The following ZNF563 variants were observed in gnomAD, a reference collection of about 807,000 sequenced individuals.
ZNF563 encodes the protein zinc finger protein 563.
ZNF563 carries 39 observed loss-of-function variants against 48.5 expected under a neutral mutation model. The observed-to-expected ratio is 0.80, with a 90% CI of 0.62 to 1.05. ZNF563 has a LOEUF of 1.05. Among genes scored for constraint, ZNF563 ranks in the 50% least tolerant of loss-of-function variants. ZNF563 has a pLI of 0.00. For synonymous variants in ZNF563, 168 were observed against 187.9 expected (o/e 0.89, Z 0.87); for missense variants, 538 against 597.0 (o/e 0.90, Z 1.03).
upstream of ZNF563, among the ~76,000 whole-genome samples, chr19:12,334,592 G>A (rs1402382790): frequency 1.3e-5 from 2 of 152,174 alleles, no homozygotes; most frequent in African/African-American, 2.4e-5. Context: ...TTAAGGGCCC[G>A]GGGCGGTGGC....
At chr19:12,340,027 C>T in the ZNF563 span, among the ~76,000 whole-genome samples, 2 of 152,066 alleles carry the variant, frequency 1.3e-5, no homozygotes, top group African/African-American at 2.4e-5. Context: ...AGATGTTAAT[C>T]AAAGTGCTAA....
Position 12,318,863 on chromosome 19 carries a change from T to G in ZNF563, c.1162A>C (p.Thr388Pro). Residue 388 changes from threonine (T) to proline (P), a missense_variant, in exon 4 of 4, where the codon ACT (threonine) becomes CCT (proline). By Grantham distance (38) the Thr-to-Pro change is conservative. Transcript: ENST00000293725. ...TTGCATTTATGAGGTCCACCTCCAGTGTGCATTATCATGTGTCTTCGAAAG... is the reference window on the plus strand; with the variant it reads ...TTGCATTTATGAGGTCCACCTCCAGGGTGCATTATCATGTGTCTTCGAAAG... The part of the protein sequence containing the change: ...SSFRRHMIMH[T>P]GGGPHKCKIC... 6.2e-7 allele frequency: 1 copy of G among 1,614,160 alleles called. No homozygotes were observed. The highest frequency in any genetic ancestry group is 8.5e-7 in the Non-Finnish European group (1 of 1,180,014).
the ZNF563 span, among the ~76,000 whole-genome samples, chr19:12,340,294 A>G: frequency 6.6e-6 from 1 of 152,206 alleles, no homozygotes; most frequent in Non-Finnish European, 1.5e-5. Flanking sequence ...AGATCATGCC[A>G]CTGCATTCCA....
At chr19:12,335,814 G>T (rs568842290), upstream of ZNF563, among the ~76,000 whole-genome samples, 5 of 152,308 alleles carry the variant, frequency 3.3e-5, no homozygotes, top group African/African-American at 1.2e-4. Flanking sequence ...ATTTCTACAC[G>T]GCTGTCCATA....
At chr19:12,322,344 G>A (rs532399958) in intron 2 of ZNF563, among the ~76,000 whole-genome samples, 1 of 152,170 alleles carries the variant, frequency 6.6e-6, no homozygotes, top group Non-Finnish European at 1.5e-5. Flanking sequence ...GTGAGCCACC[G>A]TGCCCAGCCA....
intron 1 of ZNF563, among the ~76,000 whole-genome samples, chr19:12,330,542 A>G (rs1360033470): frequency 6.6e-6 from 1 of 152,232 alleles, no homozygotes; most frequent in Non-Finnish European, 1.5e-5. Context: ...GTATGGTGTT[A>G]GCAAAGTGAT....
chr19:12,344,808 G>A, the ZNF563 span, among the ~76,000 whole-genome samples: 1,188 of 152,218 alleles, frequency 7.8e-3, 20 homozygotes, highest in African/African-American at 0.027. Context: ...ATTCTATGTG[G>A]AGAAAACACT....
rs1444629159 is a variant in ZNF563, at chr19:12,319,766, T to G, written c.259A>C (p.Ile87Leu). The change falls in exon 4 of 4, where the codon ATT becomes CTT. Residue 87 changes from isoleucine (I) to leucine (L), a missense_variant. Coordinates refer to ENST00000293725, the MANE Select transcript of ZNF563 (RefSeq NM_145276.3). ...SSQCGETFSL[I>L]RDSIVNNSIC... The stretch of plus-strand genomic sequence containing the variant: ...CTGTTGTTCACAATACTATCTCGAA[T>G]GAGGCTAAATGTTTCTCCACACTGA... 2.5e-6 allele frequency: 4 copies of G among 1,614,084 alleles called. No individual in the cohort carries two copies. In the Admixed American group the frequency reaches 5.0e-5, roughly 20 times the overall value.
intron 1 of ZNF563, among the ~76,000 whole-genome samples, chr19:12,328,697 A>G (rs1968852403): frequency 6.6e-6 from 1 of 152,146 alleles, no homozygotes; most frequent in Admixed American, 6.6e-5. Context: ...TGAACCCAGG[A>G]GGTGGAGGTT....
At position 12,319,721 on chromosome 19, in the gene ZNF563, G is replaced by T. The variant is rs761011085; in HGVS notation, c.304C>A (p.Pro102Thr). The part of the protein sequence containing the change: ...VNNSICPGED[P>T]CQSAECEEVI... The stretch of plus-strand genomic sequence containing the variant: ...TCTTCACACTCAGCGCTTTGACATG[G>T]ATCTTCTCCAGGACAAATGCTGTTG... Residue 102 changes from proline (P) to threonine (T), a missense_variant, in exon 4 of 4, where the codon CCA becomes ACA. By Grantham distance (38) the Pro-to-Thr change is conservative (BLOSUM62 -1). Transcript: ENST00000293725. 2 of 1,613,972 alleles carry T rather than the reference G, an allele frequency of 1.2e-6. No homozygotes were observed. The highest frequency in any genetic ancestry group is 1.7e-5 in the Admixed American group (1 of 59,970).
chr19:12,329,871 T>C (rs1968880842), intron 1 of ZNF563, among the ~76,000 whole-genome samples: 1 of 152,142 alleles, frequency 6.6e-6, no homozygotes, highest in African/African-American at 2.4e-5. Flanking sequence ...CTCTACAATA[T>C]CTTCCAGAAA....
Position 12,322,588 on chromosome 19 carries a change from T to C in ZNF563, c.127A>G (p.Ile43Val), listed in dbSNP as rs377088399. 21 of 1,598,112 alleles carry C rather than the reference T, an allele frequency of 1.3e-5. No homozygotes were observed. Among genetic ancestry groups the C allele is most frequent in the East Asian group, 2.3e-5 (1 of 44,118 alleles). Reference sequence around the variant, plus strand: ...GAAGACATGGTATCATCCTTACTTATACAGTCCAGGTTCCTGATGGTTTCT... The same window carrying C: ...GAAGACATGGTATCATCCTTACTTACACAGTCCAGGTTCCTGATGGTTTCT... ...MQETIRNLDC[I>V]RMIWEEQNTE... Residue 43 changes from isoleucine to valine, a missense_variant, in exon 2 of 4, where the codon ATA becomes GTA. By Grantham distance (29) the Ile-to-Val change is conservative. Coordinates refer to ENST00000293725, the MANE Select transcript of ZNF563 (RefSeq NM_145276.3).
chr19:12,343,673 G>A, the ZNF563 span, among the ~76,000 whole-genome samples: 7 of 150,442 alleles, frequency 4.7e-5, no homozygotes, highest in South Asian at 2.1e-4. Context: ...AAGACATTAC[G>A]AGAACAGAAA....
intron 3 of ZNF563, among the ~76,000 whole-genome samples, chr19:12,320,576 T>C (rs1011249062): frequency 3.3e-5 from 5 of 151,894 alleles, no homozygotes; most frequent in African/African-American, 1.2e-4. Context: ...CTCGGCTCAC[T>C]GCAACCTTCG....
At chr19:12,333,637 T>G, upstream of ZNF563, 1 of 1,160,376 alleles carries the variant, frequency 8.6e-7, no homozygotes, top group East Asian at 2.7e-5. Flanking sequence ...AGCGACTGAG[T>G]CTAGAGCTGA....
At chr19:12,326,433 C>T (rs961107347) in intron 1 of ZNF563, among the ~76,000 whole-genome samples, 1 of 152,122 alleles carries the variant, frequency 6.6e-6, no homozygotes, top group South Asian at 2.1e-4. Context: ...CACTTGAGGT[C>T]GGGAGTTCGA....
Position 12,318,460 on chromosome 19 carries a change from T to G in ZNF563, c.*134A>C, listed in dbSNP as rs1324620520. On this transcript the variant is annotated 3_prime_UTR_variant, in exon 4 of 4. Transcript: ENST00000293725. ...ACAGCATCTCTCCAGTGTGAGATATTTCATGATTTTGAAAGGAATAAAAAT... is the reference window on the plus strand; with the variant it reads ...ACAGCATCTCTCCAGTGTGAGATATGTCATGATTTTGAAAGGAATAAAAAT... 9.8e-7 allele frequency: 1 copy of G among 1,022,280 alleles called. No individual in the cohort carries two copies. The highest frequency in any genetic ancestry group is 1.4e-6 in the Non-Finnish European group (1 of 711,554). 63.3% of individuals were successfully genotyped at this position (1,022,280 alleles called of 1,614,324 possible). A position where few individuals can be genotyped will look rare whatever the true frequency, so the allele number is the denominator to read the frequency against.
chr19:12,339,824 T>C, the ZNF563 span, among the ~76,000 whole-genome samples: 1 of 152,018 alleles, frequency 6.6e-6, no homozygotes, highest in African/African-American at 2.4e-5. Context: ...TCCAAGAAGC[T>C]CAACGAACTC....
Position 12,322,689 on chromosome 19 carries a change from A to ACC in ZNF563, c.25_26insGG (p.Val9GlyfsTer4), listed in dbSNP as rs1968665071. On this transcript the variant is annotated frameshift_variant, in exon 2 of 4. Transcript: ENST00000293725. LOFTEE classifies it high-confidence loss of function. ...TTCCTCCTGGGTGAAGTTCACAGCC[A>ACC]CATCCTCAAAGGCCACTGCGTCCTG... The ACC allele has an allele frequency of 1.9e-6, 3 of 1,607,722 alleles. No individual in the cohort carries two copies. The highest frequency in any genetic ancestry group is 2.6e-6 in the Non-Finnish European group (3 of 1,176,390).
Sources: gnomAD v4.1 joint callset for allele counts (sites outside exome capture counted in the v4.1 genomes callset) on GRCh38, gnomAD v4.1.1 for gene constraint, MANE v1.5 for transcripts, NCBI Gene and HGNC (gene_info 2026-07-23, HGNC 2026-07-21) for gene names.